The following PLEKHG2 variants were observed in gnomAD, a reference collection of about 807,000 sequenced individuals.
PLEKHG2 encodes pleckstrin homology and RhoGEF domain containing G2.
PLEKHG2 carries 71 observed loss-of-function variants against 104.4 expected under a neutral mutation model. The ratio of observed to expected loss-of-function variants is 0.68; its 90% CI spans 0.56 to 0.83. The LOEUF is 0.83. Among genes scored for constraint, PLEKHG2 ranks in the 40% least tolerant of loss-of-function variants. PLEKHG2 has a pLI of 0.00. For synonymous variants in PLEKHG2, 728 were observed against 737.0 expected (o/e 0.99, Z 0.20); for missense variants, 1,730 against 1,809.4 (o/e 0.96, Z 0.80).
chr19:39,414,495 G>C (rs924802476), intron 2 of PLEKHG2, among the ~76,000 whole-genome samples: 3 of 152,334 alleles, frequency 2.0e-5, no homozygotes, highest in Admixed American at 1.3e-4. Flanking sequence ...ACAAGGAAGA[G>C]TATTCTACAT....
chr19:39,424,354 C>G lies in PLEKHG2; in HGVS notation c.3221C>G (p.Pro1074Arg). 1 of 1,614,156 alleles carries G rather than the reference C, an allele frequency of 6.2e-7. No individual in the cohort carries two copies. The highest frequency in any genetic ancestry group is 8.5e-7 in the Non-Finnish European group (1 of 1,180,018). Reference sequence around the variant, plus strand: ...GGCCCAGACCCTGTCTGCAGTCAACCCATCCAGCCTTTGTCTTGGCATGGA... The same window carrying G: ...GGCCCAGACCCTGTCTGCAGTCAACGCATCCAGCCTTTGTCTTGGCATGGA... ...VQGPDPVCSQ[P>R]IQPLSWHGSS... Residue 1074 changes from proline (P) to arginine (R), a missense_variant, in exon 19 of 19, where the codon CCC becomes CGC. By Grantham distance (103) the Pro-to-Arg change is moderately radical. Coordinates refer to ENST00000425673, the MANE Select transcript of PLEKHG2 (RefSeq NM_022835.3).
rs984820187 is a variant in PLEKHG2, at chr19:39,415,957, C to G, written c.480-391C>G. Among the ~76,000 whole-genome samples the G allele has an allele frequency of 6.6e-6, 1 of 152,144 alleles. No homozygotes were observed. The highest frequency in any genetic ancestry group is 2.1e-4 in the South Asian group (1 of 4,832). ...AGGAAACTGCTCAGTCCCGGACAAA[C>G]CAGGATGGTTGGTCACTGTGGTAAG... On this transcript the variant is annotated intron_variant, in intron 4 of 18. Transcript: ENST00000425673. This position sits in a 1 kb window ranked among gnomAD's most constrained non-coding sequence, Gnocchi z 4.6.
chr19:39,419,184 G>A (rs529764456), intron 11 of PLEKHG2, among the ~76,000 whole-genome samples, 181 bp downstream of exon 11: 2 of 152,256 alleles, frequency 1.3e-5, no homozygotes, highest in Admixed American at 1.3e-4. Context: ...TGTGACCTTG[G>A]GCAAGTAACT....
chr19:39,414,059 C>G lies in PLEKHG2; in HGVS notation c.-22-6C>G. Reference sequence around the variant, plus strand: ...CCTGATATCCAAGAAGGGGCTCTTTCTGCAGGACTCTGCTGGGCCGCTCAG... The same window carrying G: ...CCTGATATCCAAGAAGGGGCTCTTTGTGCAGGACTCTGCTGGGCCGCTCAG... On this transcript the variant is annotated splice_region_variant and splice_polypyrimidine_tract_variant and intron_variant, in intron 1 of 18. Transcript: ENST00000425673. 6.5e-7 allele frequency: 1 copy of G among 1,541,720 alleles called. No homozygotes were observed. Among genetic ancestry groups the G allele is most frequent in the Non-Finnish European group, 8.8e-7 (1 of 1,138,984 alleles).
At position 39,424,145 on chromosome 19, in the gene PLEKHG2, T is replaced by G. The variant is rs1430566311; in HGVS notation, c.3012T>G (p.Phe1004Leu). The G allele has an allele frequency of 6.2e-7, 1 of 1,614,120 alleles. No individual in the cohort carries two copies. The highest frequency in any genetic ancestry group is 2.2e-5 in the East Asian group (1 of 44,878). Residue 1004 changes from phenylalanine (F) to leucine (L), a missense_variant, in exon 19 of 19, where the codon TTT becomes TTG. By Grantham distance (22) the Phe-to-Leu change is conservative. Transcript: ENST00000425673. ...TTATACCAGCTCCATCCACCGCCTT[T>G]TGTCCTGAGCAGGGACACTGTGCGG... ...HMVIPAPSTA[F>L]CPEQGHCADI...
chr19:39,419,928 C>T (rs1007573738), intron 11 of PLEKHG2, among the ~76,000 whole-genome samples: 12 of 151,776 alleles, frequency 7.9e-5, no homozygotes, highest in Non-Finnish European at 1.2e-4. Flanking sequence ...TGGCGCATGC[C>T]TGTAATCCCA....
rs1731737424 is a variant in PLEKHG2 at position 39,416,791 on chromosome 19, C to T, written c.594-59C>T. ...TCCCAAACCCTGGCCCCTCCCTAAC[C>T]CCTCTTGACCCCGCCCACTGGAACT... On this transcript the variant is annotated intron_variant, in intron 6 of 18. Transcript: ENST00000425673. The surrounding 1 kb of genome is among the most constrained non-coding windows in gnomAD (Gnocchi z 4.5). 4 of 1,543,230 alleles carry T rather than the reference C, an allele frequency of 2.6e-6. No individual in the cohort carries two copies. The South Asian group carries it at 4.9e-5, about 19-fold the overall frequency.
Position 39,419,554 on chromosome 19 carries a change from C to T in PLEKHG2, c.1263+551C>T, listed in dbSNP as rs186544399. ...GTCAGGAGTTCAAGAGCAGCCTGAC[C>T]GACATGGAGAAACCCCATCTCTACT... On this transcript the variant is annotated intron_variant, in intron 11 of 18. Transcript: ENST00000425673. Among the ~76,000 whole-genome samples, 14 of 151,744 alleles carry T rather than the reference C, an allele frequency of 9.2e-5. No homozygotes were observed. In the East Asian group the frequency reaches 1.9e-3, roughly 21 times the overall value.
rs1188679474 is a variant in PLEKHG2 at position 39,426,233 on chromosome 19, C to T, written c.*939C>T. Reference sequence around the variant, plus strand: ...GGGGCTCTGGGATAAGTCTGTCCCACATCTGTCTGATTTCCCTTGGCATCC... The same window carrying T: ...GGGGCTCTGGGATAAGTCTGTCCCATATCTGTCTGATTTCCCTTGGCATCC... On this transcript the variant is annotated 3_prime_UTR_variant, in exon 19 of 19. Coordinates refer to ENST00000425673, the MANE Select transcript of PLEKHG2 (RefSeq NM_022835.3). 1 of 152,348 alleles carries T rather than the reference C, an allele frequency of 6.6e-6. No homozygotes were observed. Among genetic ancestry groups the T allele is most frequent in the Non-Finnish European group, 1.5e-5 (1 of 68,166 alleles). The allele number at this position is 152,348 out of a possible 1,614,324, so 9.4% of individuals were successfully genotyped here.
At position 39,422,869 on chromosome 19, in the gene PLEKHG2, T is replaced by C; in HGVS notation, c.1815T>C (p.Asp605=). Residue 605 remains aspartate, a synonymous_variant, in exon 18 of 19, where the codon GAT becomes GAC. Coordinates refer to ENST00000425673, the MANE Select transcript of PLEKHG2 (RefSeq NM_022835.3). ...AGGAAGAGGAAGGGCTGGAGATGGA[T>C]GAACGGGGGCCTTCCCCACTCCACG... is the stretch of plus-strand genomic sequence containing the variant. ...EEEEEEGLEM[D]ERGPSPLHVL... 6.3e-7 allele frequency: 1 copy of C among 1,579,542 alleles called. No individual in the cohort carries two copies.
intron 8 of PLEKHG2, 81 bp downstream of exon 8, chr19:39,417,773 C>T (rs1311565349): frequency 3.1e-5 from 47 of 1,530,144 alleles, no homozygotes; most frequent in Non-Finnish European, 3.1e-5. Flanking sequence ...AAATCAGTGC[C>T]TCAGAGGTAG....
At position 39,424,874 on chromosome 19, in the gene PLEKHG2, C is replaced by G. The variant is rs757870349; in HGVS notation, c.3741C>G (p.His1247Gln). 1.2e-6 allele frequency: 2 copies of G among 1,614,218 alleles called. No individual in the cohort carries two copies. Among genetic ancestry groups the G allele is most frequent in the Non-Finnish European group, 1.7e-6 (2 of 1,180,040 alleles). The change falls in exon 19 of 19, where the codon CAC becomes CAG. Residue 1247 changes from histidine (H) to glutamine (Q), a missense_variant. Coordinates refer to ENST00000425673, the MANE Select transcript of PLEKHG2 (RefSeq NM_022835.3). ...LSKPGGSLAS[H>Q]VARLESSDLT... is the part of the protein sequence containing the mutation. ...AACCAGGAGGCTCCTTAGCCTCTCA[C>G]GTTGCCAGGTTGGAGTCTTCAGACT...
rs1332832467 is a variant in PLEKHG2 at position 39,423,118 on chromosome 19, C to T, written c.2064C>T (p.Thr688=). The T allele has an allele frequency of 2.5e-6, 4 of 1,614,042 alleles. No individual in the cohort carries two copies. The highest frequency in any genetic ancestry group is 3.4e-6 in the Non-Finnish European group (4 of 1,180,008). Residue 688 remains threonine, a synonymous_variant, in exon 18 of 19, where the codon ACC becomes ACT. Transcript: ENST00000425673. Reference sequence around the variant, plus strand: ...CCCCCAGTCTGTCTAGCACTCCCACCCTCTCCTGTGACTCCTGGCTCCAAG... The same window carrying T: ...CCCCCAGTCTGTCTAGCACTCCCACTCTCTCCTGTGACTCCTGGCTCCAAG... ...PNTPSLSSTP[T]LSCDSWLQGP... is the part of the protein sequence containing the mutation.
chr19:39,418,914 T>A lies in PLEKHG2; in HGVS notation c.1177-3T>A, dbSNP rs748450183. The A allele has an allele frequency of 1.2e-6, 2 of 1,610,816 alleles. No homozygotes were observed. Among genetic ancestry groups the A allele is most frequent in the Admixed American group, 1.7e-5 (1 of 59,462 alleles). Reference sequence around the variant, plus strand: ...CCCTGACTCTACTCCAACCCACTCCTAGGCCAAGAACCAAGAAGAGAAGAG... The same window carrying A: ...CCCTGACTCTACTCCAACCCACTCCAAGGCCAAGAACCAAGAAGAGAAGAG... On this transcript the variant is annotated splice_polypyrimidine_tract_variant and splice_region_variant and intron_variant, in intron 10 of 18. Transcript: ENST00000425673.
intron 11 of PLEKHG2, among the ~76,000 whole-genome samples, chr19:39,419,911 G>T (rs2078671829): frequency 6.6e-6 from 1 of 152,026 alleles, no homozygotes; most frequent in African/African-American, 2.4e-5. Flanking sequence ...AAATTAGCTG[G>T]GCATGGTGGC....
chr19:39,422,195 G>A lies in PLEKHG2; in HGVS notation c.1584G>A (p.Glu528=). 3 of 1,613,910 alleles carry A rather than the reference G, an allele frequency of 1.9e-6. No homozygotes were observed. Among genetic ancestry groups the A allele is most frequent in the Non-Finnish European group, 2.5e-6 (3 of 1,179,950 alleles). ...GCTCTGCACCCCCTGAGGACCTGGA[G>A]GATGCTGGACCCCCAACACTGGACC... is the stretch of plus-strand genomic sequence containing the variant. ...VSGSAPPEDL[E]DAGPPTLDPS... Residue 528 remains glutamate, a synonymous_variant, in exon 17 of 19, where the codon GAG becomes GAA. Coordinates refer to ENST00000425673, the MANE Select transcript of PLEKHG2 (RefSeq NM_022835.3).
Position 39,424,099 on chromosome 19 carries a change from C to G in PLEKHG2, c.2966C>G (p.Pro989Arg). 6.2e-7 allele frequency: 1 copy of G among 1,614,076 alleles called. No individual in the cohort carries two copies. Among genetic ancestry groups the G allele is most frequent in the Non-Finnish European group, 8.5e-7 (1 of 1,179,980 alleles). ...EIQVPATTPLPEHRSHMVIPA... is the reference protein window; with the variant it reads ...EIQVPATTPLREHRSHMVIPA... ...CAAGTTCCAGCCACCACTCCTTTGCCTGAGCATAGAAGTCACATGGTTATA... is the reference window on the plus strand; with the variant it reads ...CAAGTTCCAGCCACCACTCCTTTGCGTGAGCATAGAAGTCACATGGTTATA... The change falls in exon 19 of 19, where the codon CCT (proline) becomes CGT (arginine). Residue 989 changes from proline to arginine, a missense_variant. Transcript: ENST00000425673.
chr19:39,417,682 C>T lies in PLEKHG2; in HGVS notation c.872C>T (p.Ala291Val), dbSNP rs761011965. 10 of 1,603,444 alleles carry T rather than the reference C, an allele frequency of 6.2e-6. No individual in the cohort carries two copies. The highest frequency in any genetic ancestry group is 1.7e-5 in the Admixed American group (1 of 59,402). ...NDMKRKQEHA[A>V]RLQEVQRRLG... ...ATGAAGCGCAAGCAGGAGCATGCAG[C>T]GCGCCTCCAGGTGGCCCCAGGGTGG... The change falls in exon 8 of 19, where the codon GCG (alanine) becomes GTG (valine). Residue 291 changes from alanine to valine, a missense_variant. Transcript: ENST00000425673.
chr19:39,414,282 G>C (rs1338347598), intron 2 of PLEKHG2, 87 bp downstream of exon 2: 3 of 1,348,636 alleles, frequency 2.2e-6, no homozygotes, highest in African/African-American at 2.9e-5. Context: ...GACAACCCCA[G>C]GCCAACTCGC....
Sources: gnomAD v4.1 joint callset for allele counts (sites outside exome capture counted in the v4.1 genomes callset) on GRCh38, gnomAD v4.1.1 for gene constraint, Gnocchi (gnomAD v3.1) non-coding constraint, MANE v1.5 for transcripts, NCBI Gene and HGNC (gene_info 2026-07-23, HGNC 2026-07-21) for gene names.